The following TRIM37 variants were observed in gnomAD, a reference collection of about 807,000 sequenced individuals.
The protein encoded by TRIM37 is tripartite motif containing 37, also known as E3 ubiquitin-protein ligase TRIM37.
TRIM37 carries 80 observed loss-of-function variants against 129.8 expected under a neutral mutation model. That is an observed-to-expected ratio of 0.62 (90% confidence interval 0.51 to 0.74). The LOEUF is 0.74. Among genes scored for constraint, TRIM37 ranks in the 30% least tolerant of loss-of-function variants. The probability of loss-of-function intolerance (pLI) is 0.00; values close to 1 mark genes in which losing one functional copy is unlikely to be tolerated. For missense variants in TRIM37, 1,054 were observed against 1,176.5 expected (o/e 0.90, Z 1.52); for synonymous variants, 389 against 387.1 (o/e 1.00, Z -0.06).
intron 17 of TRIM37, among the ~76,000 whole-genome samples, chr17:59,037,514 T>C (rs919283067): frequency 1.6e-5 from 2 of 124,356 alleles, no homozygotes; most frequent in Non-Finnish European, 3.1e-5. Flanking sequence ...GCCAAGATCA[T>C]GCCACTGCAC....
intron 24 of TRIM37, among the ~76,000 whole-genome samples, chr17:58,992,158 A>G (rs2032472692): frequency 6.6e-6 from 1 of 151,396 alleles, no homozygotes. Flanking sequence ...AAAGCCAGCT[A>G]AAGGGAGAGA....
chr17:59,039,047 A>G (rs904678914), intron 17 of TRIM37, among the ~76,000 whole-genome samples: 13 of 152,144 alleles, frequency 8.5e-5, no homozygotes, highest in Non-Finnish European at 1.8e-4. Flanking sequence ...CTGAGCATTG[A>G]GTGCCTTCGT....
At chr17:59,087,918 A>G (rs1178672866) in intron 4 of TRIM37, 3 of 345,958 alleles carry the variant, frequency 8.7e-6, no homozygotes, top group Admixed American at 4.5e-5. Context: ...CAATCATGGA[A>G]CATAAGACCA....
At chr17:59,045,889 G>A (rs939996549) in intron 16 of TRIM37, among the ~76,000 whole-genome samples, 1 of 151,788 alleles carries the variant, frequency 6.6e-6, no homozygotes, top group South Asian at 2.1e-4. Flanking sequence ...GGTGGTGCAC[G>A]CCTGTAATCC....
At chr17:59,085,021 T>C (rs763705014) in intron 4 of TRIM37, among the ~76,000 whole-genome samples, 8 of 152,130 alleles carry the variant, frequency 5.3e-5, no homozygotes, top group South Asian at 2.1e-4. Flanking sequence ...CTTTATACCA[T>C]ATACACAAAT....
At chr17:59,083,158 G>C (rs1451390478) in intron 5 of TRIM37, among the ~76,000 whole-genome samples, 1 of 152,118 alleles carries the variant, frequency 6.6e-6, no homozygotes, top group Non-Finnish European at 1.5e-5. Context: ...TTCAGAGGCT[G>C]GGCGCGGTGG....
intron 2 of TRIM37, among the ~76,000 whole-genome samples, chr17:59,101,672 AAAAAAAT>A (rs2045499477): frequency 3.4e-5 from 4 of 117,284 alleles, no homozygotes; most frequent in African/African-American, 1.5e-4. Flanking sequence ...AAAAAAAAAA[AAAAAAAT>A]ATATATATAT....
At chr17:58,979,095 C>A (rs746964415), downstream of TRIM37, among the ~76,000 whole-genome samples, 1 of 152,040 alleles carries the variant, frequency 6.6e-6, no homozygotes, top group Non-Finnish European at 1.5e-5. Context: ...TGTGAGAGGA[C>A]GAAGCTAAGC....
At chr17:58,971,646 G>A in the TRIM37 span, among the ~76,000 whole-genome samples, 2 of 152,288 alleles carry the variant, frequency 1.3e-5, no homozygotes, top group South Asian at 4.1e-4. Flanking sequence ...TAGAGCATCT[G>A]TTGTGTACCA....
At chr17:59,032,240 C>G in intron 17 of TRIM37, 150 bp from the exon 18 acceptor site, 2 of 934,336 alleles carry the variant, frequency 2.1e-6, no homozygotes, top group Non-Finnish European at 3.3e-6. Flanking sequence ...AAAGAAGGAA[C>G]CAGGGCCGGG....
intron 2 of TRIM37, among the ~76,000 whole-genome samples, chr17:59,100,883 G>A (rs982612102): frequency 2.6e-5 from 4 of 151,934 alleles, no homozygotes; most frequent in African/African-American, 7.3e-5. Flanking sequence ...TTAGTCAAGC[G>A]TGGTGATGCA....
At chr17:59,047,871 T>C (rs769751131) in intron 15 of TRIM37, 52 bp from the exon 16 acceptor site, 69 of 1,605,192 alleles carry the variant, frequency 4.3e-5, no homozygotes, top group Middle Eastern at 1.6e-4. Context: ...TTCTACTCAG[T>C]TGATCACCCC....
At chr17:59,057,276 T>C (rs2041033905) in intron 12 of TRIM37, among the ~76,000 whole-genome samples, 1 of 152,162 alleles carries the variant, frequency 6.6e-6, no homozygotes, top group South Asian at 2.1e-4. Flanking sequence ...AGTGCAATGG[T>C]GCAATTTCAG....
chr17:59,078,136 A>C (rs1303734792), intron 7 of TRIM37, among the ~76,000 whole-genome samples: 1 of 152,006 alleles, frequency 6.6e-6, no homozygotes. Context: ...AATAATAATA[A>C]TAATAATAAT....
intron 23 of TRIM37, among the ~76,000 whole-genome samples, chr17:59,000,699 T>C (rs553936111): frequency 6.6e-6 from 1 of 152,180 alleles, no homozygotes; most frequent in Admixed American, 6.5e-5. Context: ...ATAACTTTTT[T>C]GGGGGTAGGA....
chr17:58,975,525 A>G, the TRIM37 span, among the ~76,000 whole-genome samples: 1 of 152,222 alleles, frequency 6.6e-6, no homozygotes, highest in Non-Finnish European at 1.5e-5. Flanking sequence ...GACTTCATAC[A>G]TAGAGTGACT....
downstream of TRIM37, chr17:58,981,354 T>C (rs923042170): frequency 2.9e-5 from 7 of 245,124 alleles, no homozygotes; most frequent in Non-Finnish European, 4.7e-5. Context: ...TAGTGGAAGC[T>C]TTCAAGTTAG....
intron 3 of TRIM37, among the ~76,000 whole-genome samples, chr17:59,089,700 C>T (rs778005186): frequency 5.3e-5 from 8 of 152,058 alleles, no homozygotes; most frequent in Non-Finnish European, 4.4e-5. Context: ...TTCAAGTGAT[C>T]GACAGCCACA....
At chr17:59,067,102 C>T (rs1034974778) in intron 9 of TRIM37, among the ~76,000 whole-genome samples, 8 of 152,206 alleles carry the variant, frequency 5.3e-5, no homozygotes, top group African/African-American at 1.9e-4. Flanking sequence ...TGCAGTGGCG[C>T]GATCTCGGCT....
Sources: allele counts gnomAD v4.1 joint callset (sites outside exome capture counted in the v4.1 genomes callset), GRCh38; gene constraint gnomAD v4.1.1; transcripts MANE v1.5; gene names NCBI Gene and HGNC (gene_info 2026-07-23, HGNC 2026-07-21).